Variants in PDK1 observed in about 807,000 individuals in gnomAD.
The protein encoded by PDK1 is pyruvate dehydrogenase kinase 1, also known as [Pyruvate dehydrogenase (acetyl-transferring)] kinase isozyme 1, mitochondrial.
PDK1 carries 39 observed loss-of-function variants against 54.2 expected under a neutral mutation model. That is an observed-to-expected ratio of 0.72 (90% CI 0.56 to 0.94). PDK1 has a LOEUF of 0.94. Ranked by LOEUF, PDK1 falls within the 40% of genes least tolerant of loss-of-function variation. The probability of loss-of-function intolerance (pLI) is 0.00; values close to 1 mark genes in which losing one functional copy is unlikely to be tolerated. For synonymous variants in PDK1, 221 were observed against 207.1 expected (o/e 1.07, Z -0.58); for missense variants, 552 against 566.0 (o/e 0.98, Z 0.25).
At chr2:172,635,594 G>C in the PDK1 span, among the ~76,000 whole-genome samples, 7 of 152,176 alleles carry the variant, frequency 4.6e-5, no homozygotes, top group African/African-American at 7.2e-5. Flanking sequence ...GGGATTACAG[G>C]TGTGAGCCAC....
the PDK1 span, among the ~76,000 whole-genome samples, chr2:172,713,926 G>GT: frequency 6.6e-5 from 10 of 152,340 alleles, no homozygotes; most frequent in South Asian, 1.9e-3. Flanking sequence ...TATTACACAA[G>GT]TTTTTTCCTC....
Position 172,564,487 on chromosome 2 carries a change from A to G in PDK1, c.411-16A>G. ...TGTCAAAATATTTGGCTGTTTTGAC[A>G]GATGGGTTTGTTTAGCTTTACAGAT... On this transcript the variant is annotated splice_polypyrimidine_tract_variant and intron_variant, in intron 3 of 10. Transcript: ENST00000282077. The G allele has an allele frequency of 4.4e-6, 7 of 1,596,272 alleles. No individual in the cohort carries two copies. In the East Asian group the frequency reaches 1.3e-4, roughly 31 times the overall value.
intron 8 of PDK1, among the ~76,000 whole-genome samples, chr2:172,573,630 ATGTG>A (rs1246754296): frequency 6.7e-6 from 1 of 148,870 alleles, no homozygotes; most frequent in Middle Eastern, 3.2e-3. Context: ...TATATATTCT[ATGTG>A]TGTGTATATA....
the PDK1 span, among the ~76,000 whole-genome samples, chr2:172,651,994 A>C: frequency 4.3e-4 from 65 of 152,268 alleles, no homozygotes; most frequent in Non-Finnish European, 3.8e-4. Context: ...CTGATACCAA[A>C]GCCTGGCAGA....
chr2:172,694,030 C>T, the PDK1 span, among the ~76,000 whole-genome samples: 1 of 152,282 alleles, frequency 6.6e-6, no homozygotes, highest in South Asian at 2.1e-4. Context: ...TCTGAAAAAA[C>T]GTTTGGTGTA....
chr2:172,604,803 C>T lies in PDK1; in HGVS notation c.*8834C>T, dbSNP rs1412757202. The T allele has an allele frequency of 6.6e-6, 1 of 152,200 alleles. No homozygotes were observed. Among genetic ancestry groups the T allele is most frequent in the Non-Finnish European group, 1.5e-5 (1 of 68,024 alleles). The allele number at this position is 152,200 out of a possible 1,614,324, so 9.4% of individuals were successfully genotyped here. ...CTGCTTGAGTGTTACTGTTTTGTGC[C>T]ACAATATGATGTGGCCAGACTACTT... On this transcript the variant is annotated 3_prime_UTR_variant, in exon 11 of 11. Coordinates refer to ENST00000282077, the MANE Select transcript of PDK1 (RefSeq NM_002610.5).
At chr2:172,696,619 A>G in the PDK1 span, among the ~76,000 whole-genome samples, 207 of 152,314 alleles carry the variant, frequency 1.4e-3, 1 homozygote, top group African/African-American at 4.7e-3. Flanking sequence ...ACATATTAGG[A>G]TTTAATAATA....
chr2:172,622,884 ATAT>A, the PDK1 span, among the ~76,000 whole-genome samples: 5 of 148,154 alleles, frequency 3.4e-5, no homozygotes, highest in Admixed American at 6.8e-5. Context: ...ATATGTTTAC[ATAT>A]TATATGTAAT....
At chr2:172,630,060 T>A in the PDK1 span, among the ~76,000 whole-genome samples, 1 of 152,222 alleles carries the variant, frequency 6.6e-6, no homozygotes, top group African/African-American at 2.4e-5. Flanking sequence ...TGCAGAAGCC[T>A]ACTACTCCCC....
the PDK1 span, among the ~76,000 whole-genome samples, chr2:172,668,006 G>A: frequency 1.3e-5 from 2 of 152,154 alleles, no homozygotes; most frequent in Non-Finnish European, 2.9e-5. Context: ...AATAATAAAC[G>A]TTAGGTAATA....
At chr2:172,556,060 C>A, upstream of PDK1, 1 of 1,001,598 alleles carries the variant, frequency 1.0e-6, no homozygotes, top group Non-Finnish European at 1.3e-6. Context: ...CGATCCCCGC[C>A]CCTGCTGCCC....
the PDK1 span, among the ~76,000 whole-genome samples, chr2:172,622,159 ATT>A: frequency 1.4e-5 from 2 of 146,768 alleles, no homozygotes; most frequent in Non-Finnish European, 3.0e-5. Flanking sequence ...TATATCATAT[ATT>A]ATGTGAGATA....
chr2:172,713,767 C>T, the PDK1 span, among the ~76,000 whole-genome samples: 1 of 152,188 alleles, frequency 6.6e-6, no homozygotes, highest in Non-Finnish European at 1.5e-5. Context: ...GCAGCTGTGT[C>T]CGGGAGGGCA....
At chr2:172,574,417 T>C (rs1408514262) in intron 8 of PDK1, among the ~76,000 whole-genome samples, 2 of 152,242 alleles carry the variant, frequency 1.3e-5, no homozygotes, top group African/African-American at 4.8e-5. Flanking sequence ...TTCTTGCATT[T>C]CCATGGGTTT....
At chr2:172,649,095 C>T in the PDK1 span, among the ~76,000 whole-genome samples, 1 of 152,236 alleles carries the variant, frequency 6.6e-6, no homozygotes, top group Non-Finnish European at 1.5e-5. Context: ...TAGGGGCTGA[C>T]TGCCACCTCA....
At chr2:172,692,246 C>G in the PDK1 span, among the ~76,000 whole-genome samples, 5 of 152,190 alleles carry the variant, frequency 3.3e-5, no homozygotes, top group East Asian at 9.7e-4. Context: ...ATTCTTTATA[C>G]CATATATAAA....
In PDK1 at chr2:172,598,540, G is replaced by A. The variant is rs768401656; in HGVS notation, c.*2571G>A. The stretch of plus-strand genomic sequence containing the variant: ...AGTTATGAAAATATATTGAAGGACA[G>A]GAAGTGGACACGAAGTGATTTTTGT... On this transcript the variant is annotated 3_prime_UTR_variant, in exon 11 of 11. Coordinates refer to ENST00000282077, the MANE Select transcript of PDK1 (RefSeq NM_002610.5). 1 of 152,188 alleles carries A rather than the reference G, an allele frequency of 6.6e-6. No individual in the cohort carries two copies. Among genetic ancestry groups the A allele is most frequent in the East Asian group, 1.9e-4 (1 of 5,198 alleles). 9.4% of individuals were successfully genotyped at this position (152,188 alleles called of 1,614,324 possible).
downstream of PDK1, among the ~76,000 whole-genome samples, chr2:172,609,964 A>G (rs1212653072): frequency 6.6e-6 from 1 of 151,844 alleles, no homozygotes; most frequent in Non-Finnish European, 1.5e-5. Context: ...TGGGACTACA[A>G]GTGCCTGCCA....
At chr2:172,655,028 G>T in the PDK1 span, among the ~76,000 whole-genome samples, 1 of 152,114 alleles carries the variant, frequency 6.6e-6, no homozygotes, top group African/African-American at 2.4e-5. Context: ...AACAAGCATG[G>T]TAGTCTTCAA....
Sources: allele counts gnomAD v4.1 joint callset (sites outside exome capture counted in the v4.1 genomes callset), GRCh38; gene constraint gnomAD v4.1.1; transcripts MANE v1.5; gene names NCBI Gene and HGNC (gene_info 2026-07-23, HGNC 2026-07-21).